Variants in ARHGAP10 observed in about 807,000 individuals in gnomAD.
ARHGAP10 encodes the protein Rho GTPase activating protein 10, also known as rho GTPase-activating protein 10.
A neutral mutation model predicts 108.6 loss-of-function variants in ARHGAP10; 87 were observed. The observed-to-expected ratio is 0.80, with a 90% confidence interval of 0.67 to 0.96. The LOEUF is 0.96. Ranked by LOEUF, ARHGAP10 falls within the 40% of genes least tolerant of loss-of-function variation. The pLI is 0.00. For missense variants in ARHGAP10, 939 were observed against 954.5 expected (o/e 0.98, Z 0.21); for synonymous variants, 347 against 341.1 (o/e 1.02, Z -0.19).
chr4:147,922,661 C>G (rs895111812), intron 13 of ARHGAP10, among the ~76,000 whole-genome samples: 5 of 140,508 alleles, frequency 3.6e-5, no homozygotes, highest in East Asian at 2.1e-4. Context: ...GCACTCCAGC[C>G]TGGGCGACAG....
chr4:147,878,560 C>G (rs1278818876), intron 8 of ARHGAP10, among the ~76,000 whole-genome samples: 1 of 152,152 alleles, frequency 6.6e-6, no homozygotes, highest in Non-Finnish European at 1.5e-5. Flanking sequence ...AAATCCCAAA[C>G]CATCTCATAT....
chr4:147,884,695 G>C (rs1354067686), intron 10 of ARHGAP10, among the ~76,000 whole-genome samples: 3 of 151,772 alleles, frequency 2.0e-5, no homozygotes, highest in Non-Finnish European at 4.4e-5. Context: ...CTGGGATTGA[G>C]AGTCATGTGC....
At chr4:147,893,904 A>G (rs1438374201) in intron 10 of ARHGAP10, among the ~76,000 whole-genome samples, 4 of 152,176 alleles carry the variant, frequency 2.6e-5, no homozygotes, top group African/African-American at 7.2e-5. Context: ...AATTTTCCCT[A>G]AAGATGATAC....
At chr4:147,991,432 C>T (rs1049747432) in intron 18 of ARHGAP10, among the ~76,000 whole-genome samples, 7 of 152,120 alleles carry the variant, frequency 4.6e-5, no homozygotes, top group Non-Finnish European at 8.8e-5. Flanking sequence ...AGGGGCCTTA[C>T]GGAGCTTACT....
intron 16 of ARHGAP10, among the ~76,000 whole-genome samples, chr4:147,964,008 A>T (rs1466789781): frequency 6.6e-6 from 1 of 152,178 alleles, no homozygotes; most frequent in Non-Finnish European, 1.5e-5. Flanking sequence ...CCCAAATAAG[A>T]TCGTGTATTA....
At chr4:147,871,912 G>A (rs996382403) in intron 7 of ARHGAP10, among the ~76,000 whole-genome samples, 3 of 152,048 alleles carry the variant, frequency 2.0e-5, no homozygotes, top group African/African-American at 7.2e-5. Flanking sequence ...ACCAGCCTGG[G>A]CAATGTAGTG....
At chr4:148,021,831 C>T (rs553312879) in intron 18 of ARHGAP10, among the ~76,000 whole-genome samples, 55 of 152,274 alleles carry the variant, frequency 3.6e-4, no homozygotes, top group South Asian at 2.3e-3. Context: ...TGGCAGGTTA[C>T]CAGTTGGAGC....
intron 10 of ARHGAP10, among the ~76,000 whole-genome samples, chr4:147,891,113 A>G (rs1735780037): frequency 6.6e-6 from 1 of 152,224 alleles, no homozygotes. Context: ...TGACCCAGAA[A>G]TTCTGCTCCT....
At chr4:148,035,298 A>G (rs753076037) in intron 19 of ARHGAP10, among the ~76,000 whole-genome samples, 18 of 152,162 alleles carry the variant, frequency 1.2e-4, no homozygotes, top group Non-Finnish European at 2.5e-4. Context: ...GTTTATGGCA[A>G]TTTCATTACA....
At chr4:147,750,025 A>G (rs945803973) in intron 1 of ARHGAP10, among the ~76,000 whole-genome samples, 1 of 152,216 alleles carries the variant, frequency 6.6e-6, no homozygotes, top group African/African-American at 2.4e-5. Flanking sequence ...GGACTGATTT[A>G]TCTTGACAAG....
At chr4:147,912,593 A>ATATATATG in intron 12 of ARHGAP10, among the ~76,000 whole-genome samples, 1 of 98,490 alleles carries the variant, frequency 1.0e-5, no homozygotes, top group African/African-American at 3.4e-5. Context: ...ATATATATAT[A>ATATATATG]TATATAAAAT....
At chr4:147,978,715 A>G (rs1739697376) in intron 18 of ARHGAP10, among the ~76,000 whole-genome samples, 1 of 152,132 alleles carries the variant, frequency 6.6e-6, no homozygotes, top group African/African-American at 2.4e-5. Context: ...TTCTTCATAA[A>G]TTACCCAGTC....
At chr4:147,749,356 G>T (rs538197175) in intron 1 of ARHGAP10, among the ~76,000 whole-genome samples, 2 of 152,114 alleles carry the variant, frequency 1.3e-5, no homozygotes, top group South Asian at 2.1e-4. Flanking sequence ...AATATTTAAA[G>T]AATTAAATAG....
intron 13 of ARHGAP10, among the ~76,000 whole-genome samples, chr4:147,931,720 C>T (rs531176437): frequency 6.6e-6 from 1 of 152,204 alleles, no homozygotes; most frequent in Non-Finnish European, 1.5e-5. Flanking sequence ...GAATTCAGAC[C>T]TTTTTAATTA....
At chr4:147,901,350 T>C (rs904551017) in intron 10 of ARHGAP10, among the ~76,000 whole-genome samples, 13 of 152,262 alleles carry the variant, frequency 8.5e-5, no homozygotes, top group African/African-American at 3.1e-4. Flanking sequence ...TACTAGTGGC[T>C]GATCCCTTTA....
intron 3 of ARHGAP10, among the ~76,000 whole-genome samples, chr4:147,836,104 CT>C (rs1419334452): frequency 3.3e-5 from 5 of 152,248 alleles, no homozygotes; most frequent in African/African-American, 9.6e-5. Context: ...TTTCTGCTAT[CT>C]TTTTTCAGTT....
At chr4:147,785,272 CTTG>C (rs1560757447) in intron 1 of ARHGAP10, among the ~76,000 whole-genome samples, 1 of 151,748 alleles carries the variant, frequency 6.6e-6, no homozygotes, top group Non-Finnish European at 1.5e-5. Context: ...CAAGTGATGG[CTTG>C]TTGTGTTTTA....
chr4:147,839,916 A>G (rs1392605011), intron 3 of ARHGAP10, among the ~76,000 whole-genome samples: 1 of 152,244 alleles, frequency 6.6e-6, no homozygotes, highest in African/African-American at 2.4e-5. Flanking sequence ...ACACTGTTAC[A>G]TAATACTCTT....
intron 14 of ARHGAP10, among the ~76,000 whole-genome samples, chr4:147,941,823 A>G (rs1738174245): frequency 6.6e-6 from 1 of 152,210 alleles, no homozygotes; most frequent in South Asian, 2.1e-4. Flanking sequence ...CCTTGACAAA[A>G]TATATTTATT....
Sources: allele counts gnomAD v4.1 joint callset (sites outside exome capture counted in the v4.1 genomes callset), GRCh38; gene constraint gnomAD v4.1.1; transcripts MANE v1.5; gene names NCBI Gene and HGNC (gene_info 2026-07-23, HGNC 2026-07-21).